The following ADGRV1 variants were observed in gnomAD, a reference collection of about 807,000 sequenced individuals.
ADGRV1 encodes adhesion G protein-coupled receptor V1, also known as G-protein coupled receptor 98.
ADGRV1 carries 359 observed loss-of-function variants against 596.2 expected under a neutral mutation model. The ratio of observed to expected loss-of-function variants is 0.60; its 90% confidence interval spans 0.55 to 0.66. The LOEUF (loss-of-function observed/expected upper bound fraction) is 0.66. Ranked by LOEUF, ADGRV1 falls within the 30% of genes least tolerant of loss-of-function variation. ADGRV1 has a pLI of 0.00. For synonymous variants in ADGRV1, 2,681 were observed against 2,679.2 expected (o/e 1.00, Z -0.02); for missense variants, 7,274 against 7,575.6 (o/e 0.96, Z 1.48).
intron 85 of ADGRV1, among the ~76,000 whole-genome samples, chr5:91,021,818 A>T (rs554166614): frequency 1.1e-4 from 17 of 152,220 alleles, no homozygotes; most frequent in Admixed American, 5.2e-4. Context: ...AGTAGTGCCT[A>T]GATAGGAGGT....
At chr5:91,027,188 C>CA (rs1339418252) in intron 85 of ADGRV1, among the ~76,000 whole-genome samples, 1 of 150,858 alleles carries the variant, frequency 6.6e-6, no homozygotes, top group African/African-American at 2.5e-5. Flanking sequence ...CACACACACA[C>CA]ACTGTCTAAC....
At position 90,628,790 on chromosome 5, in the gene ADGRV1, T is replaced by G; in HGVS notation, c.1467T>G (p.Pro489=). 1.9e-6 allele frequency: 3 copies of G among 1,613,990 alleles called. No individual in the cohort carries two copies. The highest frequency in any genetic ancestry group is 2.5e-6 in the Non-Finnish European group (3 of 1,179,880). The change falls in exon 8 of 90, where the codon CCT becomes CCG. Residue 489 remains proline (P), a synonymous_variant. Transcript: ENST00000405460. Reference sequence around the variant, plus strand: ...AAGCTTATCTACTTCAAATTCTGCCTCATACAATACGAGGAGGTGCAGAAG... The same window carrying G: ...AAGCTTATCTACTTCAAATTCTGCCGCATACAATACGAGGAGGTGCAGAAG... ...EAEAYLLQIL[P]HTIRGGAEVS...
chr5:90,579,875 T>C (rs1757743444), intron 1 of ADGRV1, among the ~76,000 whole-genome samples: 1 of 152,216 alleles, frequency 6.6e-6, no homozygotes, highest in South Asian at 2.1e-4. Context: ...CTTCTTTGTC[T>C]CTTTTGATCT....
chr5:90,956,103 A>G (rs1777453101), intron 83 of ADGRV1, among the ~76,000 whole-genome samples: 2 of 152,158 alleles, frequency 1.3e-5, no homozygotes, highest in South Asian at 2.1e-4. Context: ...GCTTATATGT[A>G]TGCTTATCTA....
intron 58 of ADGRV1, 193 bp downstream of exon 58, chr5:90,759,781 T>C (rs764645889): frequency 5.4e-6 from 3 of 553,134 alleles, no homozygotes; most frequent in Non-Finnish European, 9.8e-6. Context: ...CTGGCCAATA[T>C]GGTTGAATTC....
intron 21 of ADGRV1, among the ~76,000 whole-genome samples, chr5:90,664,336 G>T (rs1347810472): frequency 6.6e-6 from 1 of 150,828 alleles, no homozygotes; most frequent in Non-Finnish European, 1.5e-5. Context: ...CACATCCTTT[G>T]TAAGTTGGAT....
At chr5:90,710,693 A>C (rs1313856508) in intron 39 of ADGRV1, among the ~76,000 whole-genome samples, 1 of 152,108 alleles carries the variant, frequency 6.6e-6, no homozygotes, top group African/African-American at 2.4e-5. Context: ...ATATGTTTTA[A>C]CTAATTAAAA....
intron 20 of ADGRV1, among the ~76,000 whole-genome samples, chr5:90,657,482 G>A (rs554689228): frequency 2.0e-5 from 3 of 152,022 alleles, no homozygotes; most frequent in South Asian, 4.2e-4. Context: ...AAATTGTGAT[G>A]AATAAGTCCA....
In ADGRV1 at chr5:90,704,457, C is replaced by T. The variant is rs762598540; in HGVS notation, c.8355C>T (p.Tyr2785=). 3.2e-6 allele frequency: 5 copies of T among 1,575,170 alleles called. No homozygotes were observed. The East Asian group carries it at 1.1e-4, about 36-fold the overall frequency. Reference sequence around the variant, plus strand: ...ACATTCCTGAGGAGAAAGAAGTATACCAAGTCATTCTGTATGATGTCAGGA... The same window carrying T: ...ACATTCCTGAGGAGAAAGAAGTATATCAAGTCATTCTGTATGATGTCAGGA... ...DDNIPEEKEV[Y]QVILYDVRTQ... The change falls in exon 36 of 90, where the codon TAC becomes TAT. Residue 2785 remains tyrosine (Y), a synonymous_variant. Transcript: ENST00000405460.
intron 83 of ADGRV1, among the ~76,000 whole-genome samples, chr5:90,887,575 A>G (rs1465895264): frequency 6.6e-6 from 1 of 152,186 alleles, no homozygotes; most frequent in Admixed American, 6.6e-5. Flanking sequence ...CACTGAATGC[A>G]TATTTGTTAT....
chr5:91,020,141 A>G (rs973885375), intron 85 of ADGRV1, among the ~76,000 whole-genome samples: 3 of 152,072 alleles, frequency 2.0e-5, no homozygotes, highest in African/African-American at 7.2e-5. Context: ...TCCTATCCGT[A>G]TAAAGTTAAC....
chr5:91,157,559 C>T (rs1407618025), intron 89 of ADGRV1, among the ~76,000 whole-genome samples: 7 of 152,034 alleles, frequency 4.6e-5, no homozygotes, highest in Admixed American at 4.6e-4. Flanking sequence ...ATATTTTATA[C>T]TTAAAATTCA....
chr5:90,733,926 C>G (rs1752879161), intron 50 of ADGRV1, among the ~76,000 whole-genome samples: 1 of 152,144 alleles, frequency 6.6e-6, no homozygotes, highest in South Asian at 2.1e-4. Flanking sequence ...ACTTCCCATT[C>G]TCTTGCTCTT....
At chr5:90,702,469 T>G (rs910440318) in intron 34 of ADGRV1, among the ~76,000 whole-genome samples, 2 of 151,970 alleles carry the variant, frequency 1.3e-5, no homozygotes, top group Non-Finnish European at 2.9e-5. Flanking sequence ...AAATTGTGTT[T>G]AAATTTAGTA....
At position 90,778,964 on chromosome 5, in the gene ADGRV1, C is replaced by T. The variant is rs1389413861; in HGVS notation, c.12949C>T (p.Pro4317Ser). The change falls in exon 64 of 90, where the codon CCT becomes TCT. Residue 4317 changes from proline (P) to serine (S), a missense_variant. By Grantham distance (74) the Pro-to-Ser change is moderately conservative. Around this residue, in one of 5 missense-constraint regions of ADGRV1, gnomAD observed 3,643 missense variants for 3,809.2 expected, o/e 0.96. Coordinates refer to ENST00000405460, the MANE Select transcript of ADGRV1 (RefSeq NM_032119.4). ...GTAEAGLDFV[P>S]AAGELLFEAG... is the part of the protein sequence containing the mutation. ...AGCGGAAGCAGGCTTGGATTTTGTT[C>T]CTGCAGCAGGGGAGCTCCTCTTTGA... 1 of 1,613,444 alleles carries T rather than the reference C, an allele frequency of 6.2e-7. No individual in the cohort carries two copies. The highest frequency in any genetic ancestry group is 2.2e-5 in the East Asian group (1 of 44,852).
rs991880761 is a variant in ADGRV1, at chr5:90,974,782, A to G, written c.17973+9251A>G. ...ACCTAGGCAATACCATTCAGGACAT[A>G]AGTATGGGCAAGGACTTCATGTCTA... On this transcript the variant is annotated intron_variant, in intron 84 of 89. Transcript: ENST00000405460. Among the ~76,000 whole-genome samples the G allele has an allele frequency of 3.9e-5, 6 of 152,344 alleles. No individual in the cohort carries two copies. In the East Asian group the frequency reaches 9.6e-4, roughly 24 times the overall value.
chr5:90,804,472 AGTT>A (rs1171879400), intron 71 of ADGRV1, among the ~76,000 whole-genome samples: 1 of 152,060 alleles, frequency 6.6e-6, no homozygotes, highest in Non-Finnish European at 1.5e-5. Context: ...AAATTAAAGT[AGTT>A]GTTGTTTCTT....
At chr5:90,739,192 T>C (rs1218759439) in intron 50 of ADGRV1, among the ~76,000 whole-genome samples, 1 of 152,112 alleles carries the variant, frequency 6.6e-6, no homozygotes, top group Non-Finnish European at 1.5e-5. Flanking sequence ...ATTTTGTTAA[T>C]GAATTGTTTT....
intron 64 of ADGRV1, chr5:90,780,010 A>G (rs1457128104): frequency 1.3e-5 from 2 of 152,198 alleles, no homozygotes; most frequent in African/African-American, 2.4e-5. Context: ...AAATGCTTCT[A>G]TGCCTGGCAA....
Sources: gnomAD v4.1 joint callset for allele counts (sites outside exome capture counted in the v4.1 genomes callset) on GRCh38, gnomAD v4.1.1 for gene constraint, gnomAD v4.1.1 regional missense constraint, MANE v1.5 for transcripts, NCBI Gene and HGNC (gene_info 2026-07-23, HGNC 2026-07-21) for gene names.